The following CCDC171 variants were observed in gnomAD, a reference collection of about 807,000 sequenced individuals.
The protein encoded by CCDC171 is coiled-coil domain-containing protein 171.
CCDC171 carries 177 observed loss-of-function variants against 168.2 expected under a neutral mutation model. That is an observed-to-expected ratio of 1.05 (90% confidence interval 0.93 to 1.19). CCDC171 has a LOEUF of 1.19. CCDC171 is among the 50% of genes most tolerant of loss of function. The pLI, the probability that CCDC171 is intolerant of heterozygous loss-of-function variation, is 0.00. For synonymous variants in CCDC171, 687 were observed against 540.8 expected (o/e 1.27, Z -3.75); for missense variants, 1,991 against 1,539.0 (o/e 1.29, Z -4.91).
chr9:15,988,919 A>C (rs2132898490), intron 3 of CCDC171, among the ~76,000 whole-genome samples: 1 of 152,280 alleles, frequency 6.6e-6, no homozygotes, highest in South Asian at 2.1e-4. Context: ...GTAGGTAAAC[A>C]AAGCGGCCGG....
Position 15,751,258 on chromosome 9 carries a change from C to T in CCDC171, c.2671+5627C>T, listed in dbSNP as rs540958595. On this transcript the variant is annotated intron_variant, in intron 18 of 25. Transcript: ENST00000380701. ...GACCTCTTCAAGGAGAACTACAAAC[C>T]ACTGCTCAACGAAATAAAAGAGGTC... Among the ~76,000 whole-genome samples, 22 of 152,234 alleles carry T rather than the reference C, an allele frequency of 1.4e-4. 1 individual carries two copies. The South Asian group carries it at 4.6e-3, about 32-fold the overall frequency.
At chr9:15,919,426 T>A (rs1027171060) in intron 24 of CCDC171, among the ~76,000 whole-genome samples, 2 of 151,752 alleles carry the variant, frequency 1.3e-5, no homozygotes, top group African/African-American at 2.4e-5. Context: ...TGTCTACCTT[T>A]ATACTAAGTT....
intron 21 of CCDC171, among the ~76,000 whole-genome samples, chr9:15,787,655 T>G (rs948518678): frequency 1.3e-5 from 2 of 152,186 alleles, no homozygotes; most frequent in Non-Finnish European, 2.9e-5. Flanking sequence ...GATGAGGAAT[T>G]ACTAGGTTAG....
At chr9:15,637,581 T>C (rs1256429840) in intron 7 of CCDC171, among the ~76,000 whole-genome samples, 2 of 150,964 alleles carry the variant, frequency 1.3e-5, no homozygotes, top group African/African-American at 4.9e-5. Flanking sequence ...AACTCGTCAT[T>C]TAGCATTAGG....
chr9:15,563,720 G>C (rs1212131092), intron 1 of CCDC171, among the ~76,000 whole-genome samples: 2 of 152,120 alleles, frequency 1.3e-5, no homozygotes, highest in Non-Finnish European at 2.9e-5. Flanking sequence ...TCAGCCACGT[G>C]AATCACTGTT....
chr9:15,634,738 T>C (rs2046062967), intron 7 of CCDC171, among the ~76,000 whole-genome samples: 1 of 152,220 alleles, frequency 6.6e-6, no homozygotes, highest in East Asian at 1.9e-4. Flanking sequence ...CAACCATTAC[T>C]ATAATCCATT....
intron 16 of CCDC171, among the ~76,000 whole-genome samples, chr9:15,742,415 A>G (rs2054941706): frequency 6.6e-6 from 1 of 152,198 alleles, no homozygotes; most frequent in Non-Finnish European, 1.5e-5. Context: ...AGAGCATACG[A>G]TGCTGTTTTC....
chr9:15,798,677 C>T (rs2058673751), intron 21 of CCDC171, among the ~76,000 whole-genome samples: 1 of 152,092 alleles, frequency 6.6e-6, no homozygotes. Context: ...TGCTACTATG[C>T]CCGTTTATTA....
At chr9:16,097,558 A>C in the CCDC171 span, among the ~76,000 whole-genome samples, 205 of 152,348 alleles carry the variant, frequency 1.3e-3, 2 homozygotes, top group African/African-American at 4.7e-3. Flanking sequence ...TTTCACAGGC[A>C]GGAGCTGAAC....
intron 24 of CCDC171, among the ~76,000 whole-genome samples, chr9:15,911,556 C>A (rs200453805): frequency 2.0e-5 from 3 of 152,042 alleles, no homozygotes; most frequent in Admixed American, 6.6e-5. Context: ...TTTAATTAGA[C>A]CCCATTTGTC....
chr9:15,778,267 G>A (rs1348158489), intron 19 of CCDC171, among the ~76,000 whole-genome samples: 1 of 124,746 alleles, frequency 8.0e-6, no homozygotes, highest in Non-Finnish European at 1.6e-5. Context: ...ACTGCAGTCC[G>A]CAGTCTGCCG....
At chr9:15,923,153 G>A (rs1002717713) in intron 25 of CCDC171, among the ~76,000 whole-genome samples, 1 of 151,336 alleles carries the variant, frequency 6.6e-6, no homozygotes. Flanking sequence ...ATGGCATGGA[G>A]TTACCCCATG....
At chr9:16,068,987 G>C in the CCDC171 span, among the ~76,000 whole-genome samples, 5 of 152,126 alleles carry the variant, frequency 3.3e-5, no homozygotes, top group Non-Finnish European at 5.9e-5. Flanking sequence ...ATTCCTGGAG[G>C]GGGTAGTTAG....
intron 25 of CCDC171, among the ~76,000 whole-genome samples, chr9:15,945,020 A>G (rs1351855529): frequency 1.3e-5 from 2 of 151,992 alleles, no homozygotes; most frequent in Non-Finnish European, 2.9e-5. Context: ...TCCCAATGCT[A>G]TCCCTCTCCC....
chr9:15,585,603 T>A (rs978830121), intron 4 of CCDC171, among the ~76,000 whole-genome samples: 1 of 152,176 alleles, frequency 6.6e-6, no homozygotes, highest in Non-Finnish European at 1.5e-5. Flanking sequence ...TGGATTTGAC[T>A]GGGAAAGAGT....
the CCDC171 span, among the ~76,000 whole-genome samples, chr9:16,094,977 A>G: frequency 6.6e-6 from 1 of 152,084 alleles, no homozygotes; most frequent in East Asian, 1.9e-4. Flanking sequence ...TTAAGTGGGT[A>G]GCACCTGGCC....
intron 3 of CCDC171, among the ~76,000 whole-genome samples, chr9:16,005,127 A>G (rs572441771): frequency 2.6e-5 from 4 of 152,330 alleles, no homozygotes; most frequent in Non-Finnish European, 5.9e-5. Context: ...GAACTTTCTT[A>G]TCAACCCGAA....
chr9:15,744,738 G>T lies in CCDC171; in HGVS notation c.2515G>T (p.Val839Leu), dbSNP rs2055148278. The T allele has an allele frequency of 4.3e-6, 7 of 1,613,896 alleles. No individual in the cohort carries two copies. The highest frequency in any genetic ancestry group is 5.9e-6 in the Non-Finnish European group (7 of 1,179,998). ...ESFKEGIGML[V>L]CTGEPQDKHK... ...TTTCAAAGAAGGCATAGGCATGTTA[G>T]TGTGCACAGGAGAGCCCCAAGACAA... The change falls in exon 17 of 26, where the codon GTG (valine) becomes TTG (leucine). Residue 839 changes from valine (V) to leucine (L), a missense_variant. Physicochemically the swap from Val to Leu is conservative, Grantham distance 32 (BLOSUM62 1). Transcript: ENST00000380701.
intron 1 of CCDC171, among the ~76,000 whole-genome samples, chr9:16,046,430 T>C (rs770118752): frequency 1.2e-4 from 19 of 152,192 alleles, no homozygotes; most frequent in Non-Finnish European, 2.6e-4. Flanking sequence ...GTGCCACTGA[T>C]AGTATTTTGG....
Sources: gnomAD v4.1 joint callset for allele counts (sites outside exome capture counted in the v4.1 genomes callset) on GRCh38, gnomAD v4.1.1 for gene constraint, MANE v1.5 for transcripts, NCBI Gene and HGNC (gene_info 2026-07-23, HGNC 2026-07-21) for gene names.